The following EMP2 variants were observed in gnomAD, a reference collection of about 807,000 sequenced individuals.
EMP2 encodes the protein epithelial membrane protein 2.
In EMP2, 19 loss-of-function variants were observed where a neutral mutation model predicts 13.7. That is an observed-to-expected ratio of 1.38 (90% CI 0.97 to 2.03). EMP2 has a LOEUF of 2.03. Among genes scored for constraint, EMP2 ranks in the 30% most tolerant of loss-of-function variants. The pLI is 0.00. For missense variants in EMP2, 253 were observed against 220.7 expected (o/e 1.15, Z -0.93); for synonymous variants, 97 against 84.7 (o/e 1.15, Z -0.80).
intron 1 of EMP2, among the ~76,000 whole-genome samples, chr16:10,551,495 C>A (rs1263999521): frequency 6.6e-6 from 1 of 152,212 alleles, no homozygotes; most frequent in African/African-American, 2.4e-5. Context: ...CAACCTCTGC[C>A]TCCCGGGTTC....
intron 2 of EMP2, 75 bp from the exon 3 acceptor site, chr16:10,543,735 G>T: frequency 7.2e-7 from 1 of 1,384,362 alleles, no homozygotes; most frequent in Non-Finnish European, 1.0e-6. Flanking sequence ...TTAGGCACGA[G>T]GCATGGTGGG....
rs1596371463 is a variant in EMP2 at position 10,543,499 on chromosome 16, C to T, written c.169+71G>A. 12 of 1,556,042 alleles carry T rather than the reference C, an allele frequency of 7.7e-6. No homozygotes were observed. In the East Asian group the frequency reaches 2.7e-4, roughly 35 times the overall value. On this transcript the variant is annotated intron_variant, in intron 3 of 4. Transcript: ENST00000359543. The stretch of plus-strand genomic sequence containing the variant: ...AGGAGAGGGTACGGAGTCGGGGAAC[C>T]CGAAGCCTCACTCCTGACCGTTCCT...
intron 4 of EMP2, among the ~76,000 whole-genome samples, chr16:10,535,477 G>A (rs1484310663): frequency 1.3e-5 from 2 of 152,064 alleles, no homozygotes; most frequent in African/African-American, 2.4e-5. Flanking sequence ...GCTCATGCTC[G>A]GAATCCCAAC....
intron 1 of EMP2, among the ~76,000 whole-genome samples, chr16:10,571,677 T>G (rs34105489): frequency 0.29 from 43,993 of 152,190 alleles, 7,506 homozygotes; most frequent in Non-Finnish European, 0.39. Context: ...TGCAAGGCCA[T>G]AGTGGCTGCA....
chr16:10,535,466 G>C (rs2050639626), intron 4 of EMP2, among the ~76,000 whole-genome samples: 1 of 152,106 alleles, frequency 6.6e-6, no homozygotes, highest in African/African-American at 2.4e-5. Flanking sequence ...TGGGTGCGGT[G>C]GCTCATGCTC....
intron 1 of EMP2, among the ~76,000 whole-genome samples, chr16:10,561,814 C>T (rs544092109): frequency 8.2e-4 from 124 of 152,080 alleles, no homozygotes; most frequent in African/African-American, 2.8e-3. Flanking sequence ...GAATGAATGA[C>T]TAAAGAAGCC....
intron 1 of EMP2, among the ~76,000 whole-genome samples, chr16:10,576,338 A>G: frequency 6.6e-6 from 1 of 152,160 alleles, no homozygotes; most frequent in Non-Finnish European, 1.5e-5. Context: ...AATTTCTTAA[A>G]TTCATTGCAT....
chr16:10,563,002 A>G (rs1208944852), intron 1 of EMP2, among the ~76,000 whole-genome samples: 1 of 152,160 alleles, frequency 6.6e-6, no homozygotes, highest in Non-Finnish European at 1.5e-5. Context: ...GCATGTCAGC[A>G]TGAGAGTGAG....
In EMP2 at chr16:10,543,093, G is replaced by A. The variant is rs1473393343; in HGVS notation, c.169+477C>T. On this transcript the variant is annotated intron_variant, in intron 3 of 4. Transcript: ENST00000359543. ...ACTCCTGACCTCAAGTGATCCATCC[G>A]CCTCTGCTTCCCAAAGTGCTGGGAT... 9.2e-5 allele frequency among the ~76,000 whole-genome samples: 14 copies of A among 152,252 alleles called. No individual in the cohort carries two copies. In the South Asian group the frequency reaches 1.2e-3, roughly 14 times the overall value.
At chr16:10,568,878 C>T (rs573943018) in intron 1 of EMP2, among the ~76,000 whole-genome samples, 1 of 150,352 alleles carries the variant, frequency 6.7e-6, no homozygotes, top group African/African-American at 2.5e-5. Context: ...CCTCTGCCTC[C>T]CGGGTTCAAG....
intron 1 of EMP2, among the ~76,000 whole-genome samples, chr16:10,566,758 T>G (rs1596380904): frequency 1.3e-5 from 2 of 152,184 alleles, no homozygotes; most frequent in Non-Finnish European, 2.9e-5. Context: ...TCCATCAGTG[T>G]GTTCGCTGAG....
chr16:10,554,495 T>A (rs1245280954), intron 1 of EMP2, among the ~76,000 whole-genome samples: 1 of 152,154 alleles, frequency 6.6e-6, no homozygotes, highest in African/African-American at 2.4e-5. Context: ...TGCCACTACA[T>A]ACACCCATGT....
At chr16:10,554,378 C>A (rs770859536) in intron 1 of EMP2, among the ~76,000 whole-genome samples, 1 of 152,100 alleles carries the variant, frequency 6.6e-6, no homozygotes, top group Non-Finnish European at 1.5e-5. Flanking sequence ...GGTGGAGAAG[C>A]CTTGATGTTA....
At chr16:10,558,813 G>C (rs1447003798) in intron 1 of EMP2, among the ~76,000 whole-genome samples, 1 of 152,002 alleles carries the variant, frequency 6.6e-6, no homozygotes, top group Non-Finnish European at 1.5e-5. Flanking sequence ...AGCCCAGCTG[G>C]CTTCCCGCGG....
At chr16:10,546,411 A>G (rs2050739017) in intron 2 of EMP2, 1 of 152,232 alleles carries the variant, frequency 6.6e-6, no homozygotes. Context: ...AATCTATGCC[A>G]AGAGGTTATT....
chr16:10,554,779 G>A (rs140802228), intron 1 of EMP2, among the ~76,000 whole-genome samples: 49 of 152,018 alleles, frequency 3.2e-4, no homozygotes, highest in Non-Finnish European at 4.4e-4. Flanking sequence ...CCCTGAACAC[G>A]GTTCCCTGGA....
Position 10,532,762 on chromosome 16 carries a change from T to TC in EMP2, c.*142_*143insG. 4.8e-6 allele frequency: 1 copy of TC among 209,790 alleles called. No individual in the cohort carries two copies. Among genetic ancestry groups the TC allele is most frequent in the Non-Finnish European group, 7.3e-6 (1 of 136,116 alleles). 13.0% of individuals were successfully genotyped at this position (209,790 alleles called of 1,614,324 possible). ...TGGATTTTTTTTTTCTTTTTTCTTT[T>TC]TTTTTTTTTTTTTTTTTTTTTTTTG... On this transcript the variant is annotated 3_prime_UTR_variant, in exon 5 of 5. Coordinates refer to ENST00000359543, the MANE Select transcript of EMP2 (RefSeq NM_001424.6).
chr16:10,577,497 T>C (rs2050991596), intron 1 of EMP2, among the ~76,000 whole-genome samples: 1 of 152,186 alleles, frequency 6.6e-6, no homozygotes, highest in Non-Finnish European at 1.5e-5. Flanking sequence ...GGCTAACTTC[T>C]GCAGGGAGCC....
intron 1 of EMP2, among the ~76,000 whole-genome samples, chr16:10,565,780 T>C (rs2050903242): frequency 6.6e-6 from 1 of 152,172 alleles, no homozygotes; most frequent in Non-Finnish European, 1.5e-5. Flanking sequence ...GGGAACCCAT[T>C]CCGATGCACT....
Sources: allele counts gnomAD v4.1 joint callset (sites outside exome capture counted in the v4.1 genomes callset), GRCh38; gene constraint gnomAD v4.1.1; transcripts MANE v1.5; gene names NCBI Gene and HGNC (gene_info 2026-07-23, HGNC 2026-07-21).